Variants in CNOT10 observed in about 807,000 individuals in gnomAD.
CNOT10 encodes the protein CCR4-NOT transcription complex subunit 10.
In CNOT10, 30 loss-of-function variants were observed where a neutral mutation model predicts 94.6. The observed-to-expected ratio is 0.32, with a 90% CI of 0.24 to 0.43. CNOT10 has a LOEUF of 0.43. Ranked by LOEUF, CNOT10 falls within the 20% of genes least tolerant of loss-of-function variation. CNOT10 has a pLI of 1.00. For missense variants in CNOT10, 759 were observed against 877.2 expected (o/e 0.87, Z 1.70); for synonymous variants, 289 against 301.6 (o/e 0.96, Z 0.43).
chr3:32,770,076 G>C, intron 18 of CNOT10, 114 bp downstream of exon 18: 1 of 744,092 alleles, frequency 1.3e-6, no homozygotes, highest in East Asian at 2.6e-5. Context: ...TACCATCAGA[G>C]CTCACTGCAG....
Position 32,717,255 on chromosome 3 carries a change from TTTTG to T in CNOT10, c.744+22_744+25del, listed in dbSNP as rs777133320. On this transcript the variant is annotated intron_variant, in intron 7 of 18. Coordinates refer to ENST00000328834, the MANE Select transcript of CNOT10 (RefSeq NM_015442.3). The stretch of plus-strand genomic sequence containing the variant: ...CTGGAAATGTAAGTTTCTTCTGGAC[TTTTG>T]TTTTTCAATTTGTGTCTTTCTTATT... 6.6e-7 allele frequency: 1 copy of T among 1,524,482 alleles called. No homozygotes were observed. 94.4% of individuals were successfully genotyped at this position (1,524,482 alleles called of 1,614,324 possible).
intron 8 of CNOT10, among the ~76,000 whole-genome samples, chr3:32,723,846 C>T (rs1698530745): frequency 6.6e-6 from 1 of 152,038 alleles, no homozygotes; most frequent in African/African-American, 2.4e-5. Context: ...TTTGGGAGGT[C>T]GAGGCAGGAG....
intron 12 of CNOT10, among the ~76,000 whole-genome samples, chr3:32,735,518 C>T (rs1245168351): frequency 1.3e-5 from 2 of 152,000 alleles, no homozygotes; most frequent in Non-Finnish European, 2.9e-5. Flanking sequence ...GACCAGCTGG[C>T]CAACATGGTG....
At chr3:32,764,310 C>T in intron 15 of CNOT10, 145 bp from the exon 16 acceptor site, 1 of 748,106 alleles carries the variant, frequency 1.3e-6, no homozygotes, top group Non-Finnish European at 2.1e-6. Context: ...GCACTCCAGC[C>T]TGGGCAACAG....
At chr3:32,690,551 AT>A (rs35405028) in intron 1 of CNOT10, among the ~76,000 whole-genome samples, 73 of 146,270 alleles carry the variant, frequency 5.0e-4, no homozygotes, top group Middle Eastern at 6.9e-3. Flanking sequence ...TATCCAGATA[AT>A]TTTTTTTTTT....
At chr3:32,755,318 TC>T (rs1262457567) in intron 13 of CNOT10, among the ~76,000 whole-genome samples, 1 of 149,044 alleles carries the variant, frequency 6.7e-6, no homozygotes. Context: ...TTTTTCTTTT[TC>T]TTTTTTTTTT....
intron 1 of CNOT10, among the ~76,000 whole-genome samples, chr3:32,696,566 G>T (rs113439852): frequency 0.022 from 3,293 of 152,262 alleles, 46 homozygotes; most frequent in East Asian, 0.047. Flanking sequence ...AGAGGCTCTT[G>T]TCAGCCTTAG....
At chr3:32,764,413 T>C in intron 15 of CNOT10, 42 bp from the exon 16 acceptor site, 7 of 1,598,166 alleles carry the variant, frequency 4.4e-6, no homozygotes, top group Non-Finnish European at 5.1e-6. Context: ...GAAAATATGC[T>C]CTGTTGTTCT....
intron 1 of CNOT10, among the ~76,000 whole-genome samples, chr3:32,686,794 G>T (rs1028541909): frequency 6.6e-6 from 1 of 152,188 alleles, no homozygotes; most frequent in Non-Finnish European, 1.5e-5. Flanking sequence ...CATTGCGCTT[G>T]CCCGAAATCA....
At chr3:32,707,877 A>G (rs1481307832) in intron 3 of CNOT10, among the ~76,000 whole-genome samples, 1 of 152,086 alleles carries the variant, frequency 6.6e-6, no homozygotes, top group Non-Finnish European at 1.5e-5. Context: ...GGCACATGGT[A>G]AATAGTTAAC....
chr3:32,725,454 A>G lies in CNOT10; in HGVS notation c.867A>G (p.Glu289=). ...AEHPGFMKTG[E]CLRCMFWNNL... The stretch of plus-strand genomic sequence containing the variant: ...ATTTATTTGCATTTTTTTCAGGTGA[A>G]TGCTTGAGATGCATGTTCTGGAATA... Residue 289 remains glutamate (E), a synonymous_variant, in exon 9 of 19, where the codon GAA becomes GAG. Transcript: ENST00000328834. 1 of 1,612,228 alleles carries G rather than the reference A, an allele frequency of 6.2e-7. No homozygotes were observed. The highest frequency in any genetic ancestry group is 1.3e-5 in the African/African-American group (1 of 74,954).
chr3:32,772,721 A>G (rs1032730931), intron 18 of CNOT10, among the ~76,000 whole-genome samples: 5 of 152,170 alleles, frequency 3.3e-5, no homozygotes, highest in Non-Finnish European at 7.3e-5. Context: ...GTTCTAAGGC[A>G]TAACTCCTTG....
chr3:32,747,048 C>T (rs1315648164), intron 13 of CNOT10, among the ~76,000 whole-genome samples: 12 of 151,610 alleles, frequency 7.9e-5, no homozygotes, highest in Admixed American at 7.2e-4. Flanking sequence ...ACCCGGGAGG[C>T]GGAGGTTGTG....
At chr3:32,746,356 A>G (rs1387356445) in intron 13 of CNOT10, among the ~76,000 whole-genome samples, 1 of 152,150 alleles carries the variant, frequency 6.6e-6, no homozygotes, top group Non-Finnish European at 1.5e-5. Flanking sequence ...TTATTATTAC[A>G]TTGTAATATA....
In CNOT10 at chr3:32,708,690, A is replaced by C; in HGVS notation, c.300A>C (p.Glu100Asp). Residue 100 changes from glutamate (E) to aspartate (D), a missense_variant, in exon 4 of 19, where the codon GAA becomes GAC. Physicochemically the swap from Glu to Asp is conservative, Grantham distance 45. This residue lies in a region of CNOT10 where 682 missense variants were observed against 799.4 expected (regional missense o/e 0.85). Transcript: ENST00000328834. ...TATAGGTCCACTCAGCTGTTGAAGA[A>C]ATGGATGGATTAGATGATGTTGAAA... ...LKNQVHSAVE[E>D]MDGLDDVENS... The C allele has an allele frequency of 6.2e-7, 1 of 1,612,152 alleles. No individual in the cohort carries two copies. The highest frequency in any genetic ancestry group is 8.5e-7 in the Non-Finnish European group (1 of 1,179,472).
At chr3:32,735,292 C>G (rs962152654) in intron 12 of CNOT10, among the ~76,000 whole-genome samples, 9 of 148,252 alleles carry the variant, frequency 6.1e-5, no homozygotes, top group Non-Finnish European at 1.3e-4. Context: ...TTGCAGCGAG[C>G]CGAGATTGTG....
At chr3:32,728,871 C>CG (rs1213809857) in intron 10 of CNOT10, among the ~76,000 whole-genome samples, 2 of 152,036 alleles carry the variant, frequency 1.3e-5, no homozygotes, top group Non-Finnish European at 2.9e-5. Flanking sequence ...GAGGCCGAGG[C>CG]GGGTGGATCA....
At chr3:32,747,990 C>T (rs537586909) in intron 13 of CNOT10, among the ~76,000 whole-genome samples, 11 of 152,224 alleles carry the variant, frequency 7.2e-5, no homozygotes, top group African/African-American at 1.4e-4. Context: ...AGGCATGTAC[C>T]GCCATGCCCA....
In CNOT10 at chr3:32,717,160, G is replaced by A; in HGVS notation, c.667G>A (p.Val223Ile). 1 of 1,595,380 alleles carries A rather than the reference G, an allele frequency of 6.3e-7. No homozygotes were observed. The highest frequency in any genetic ancestry group is 8.6e-7 in the Non-Finnish European group (1 of 1,166,524). ...AAKSKIHQYKVRAYIQMKSLK... is the reference protein window; with the variant it reads ...AAKSKIHQYKIRAYIQMKSLK... ...AACATTTTCCCTTTGACAGTACAAA[G>A]TACGAGCTTATATCCAAATGAAGTC... is the stretch of plus-strand genomic sequence containing the variant. The change falls in exon 7 of 19, where the codon GTA becomes ATA. Residue 223 changes from valine (V) to isoleucine (I), a missense_variant. Coordinates refer to ENST00000328834, the MANE Select transcript of CNOT10 (RefSeq NM_015442.3).
Sources: gnomAD v4.1 joint callset for allele counts (sites outside exome capture counted in the v4.1 genomes callset) on GRCh38, gnomAD v4.1.1 for gene constraint, gnomAD v4.1.1 regional missense constraint, MANE v1.5 for transcripts, NCBI Gene and HGNC (gene_info 2026-07-23, HGNC 2026-07-21) for gene names.